Variants in PGS1 observed in about 807,000 individuals in gnomAD.
PGS1 encodes phosphatidylglycerophosphate synthase 1.
In PGS1, 44 loss-of-function variants were observed where a neutral mutation model predicts 58.3. The observed-to-expected ratio is 0.75, with a 90% CI of 0.59 to 0.97. The LOEUF is 0.97. PGS1 is among the 50% of genes least tolerant of loss of function. The pLI, the probability that PGS1 is intolerant of heterozygous loss-of-function variation, is 0.00. For missense variants in PGS1, 684 were observed against 731.1 expected (o/e 0.94, Z 0.74); for synonymous variants, 330 against 311.0 (o/e 1.06, Z -0.64).
chr17:78,381,120 A>T (rs1213681927), intron 1 of PGS1: 1 of 152,246 alleles, frequency 6.6e-6, no homozygotes, highest in Non-Finnish European at 1.5e-5. Flanking sequence ...CTGGGATTAC[A>T]GGTGTGAGCC....
At chr17:78,404,183 T>C in intron 7 of PGS1, 94 bp downstream of exon 7, 5 of 1,337,496 alleles carry the variant, frequency 3.7e-6, no homozygotes, top group Non-Finnish European at 5.0e-6. Flanking sequence ...GTTAGAGTGC[T>C]GTACTTCTCC....
At position 78,400,648 on chromosome 17, in the gene PGS1, C is replaced by G; in HGVS notation, c.702-29C>G. On this transcript the variant is annotated intron_variant, in intron 5 of 9. Coordinates refer to ENST00000262764, the MANE Select transcript of PGS1 (RefSeq NM_024419.5). The surrounding 1 kb of genome is among the most constrained non-coding windows in gnomAD (Gnocchi z 4.4). ...GCTGCTGCATACCCTTGCCTGAGTCCTCCTCACCTGCATCTTCCCTCCCTG... is the reference window on the plus strand; with the variant it reads ...GCTGCTGCATACCCTTGCCTGAGTCGTCCTCACCTGCATCTTCCCTCCCTG... The G allele has an allele frequency of 1.2e-6, 2 of 1,609,594 alleles. No homozygotes were observed. The highest frequency in any genetic ancestry group is 8.5e-7 in the Non-Finnish European group (1 of 1,176,730).
At chr17:78,416,464 G>T (rs929764971) in intron 8 of PGS1, among the ~76,000 whole-genome samples, 1 of 152,210 alleles carries the variant, frequency 6.6e-6, no homozygotes, top group African/African-American at 2.4e-5. Flanking sequence ...TGGGTTCTGC[G>T]TGGATCTGAG....
intron 1 of PGS1, among the ~76,000 whole-genome samples, chr17:78,379,119 C>T (rs1177169876): frequency 6.6e-6 from 1 of 152,190 alleles, no homozygotes; most frequent in Non-Finnish European, 1.5e-5. Flanking sequence ...TGCACTTACA[C>T]GTTAAAAGAG....
chr17:78,384,045 G>A (rs12453354), intron 1 of PGS1, among the ~76,000 whole-genome samples: 7,622 of 152,316 alleles, frequency 0.05, 267 homozygotes, highest in East Asian at 0.18. Context: ...ATTGGTTCTC[G>A]TCAGGCACTT....
chr17:78,387,940 T>G (rs1386515983), intron 1 of PGS1, among the ~76,000 whole-genome samples: 1 of 152,190 alleles, frequency 6.6e-6, no homozygotes, highest in Non-Finnish European at 1.5e-5. Context: ...GTGGTCTCCT[T>G]GGCATATGTT....
intron 3 of PGS1, 24 bp from the exon 4 acceptor site, chr17:78,398,228 C>T: frequency 2.6e-6 from 4 of 1,544,288 alleles, no homozygotes; most frequent in Non-Finnish European, 3.6e-6. Flanking sequence ...TCTTAATCTT[C>T]TTTTCTGTGT....
At chr17:78,378,998 G>A (rs1330458448) in intron 1 of PGS1, among the ~76,000 whole-genome samples, 190 bp downstream of exon 1, 1 of 152,230 alleles carries the variant, frequency 6.6e-6, no homozygotes, top group African/African-American at 2.4e-5. Context: ...GAGGGAGGGT[G>A]GGCGGCTCGT....
Position 78,424,204 on chromosome 17 carries a change from AGGGGCTGGCAGGAAGGGT to A in PGS1, c.*159_*176del. ...CAGGTGTGCTGCCAGTAAGTGAGGG[AGGGGCTGGCAGGAAGGGT>A]GGGGTCCTCACACTCCCCGCCCTCT... On this transcript the variant is annotated 3_prime_UTR_variant, in exon 10 of 10. Transcript: ENST00000262764. 2 of 1,558,632 alleles carry A rather than the reference AGGGGCTGGCAGGAAGGGT, an allele frequency of 1.3e-6. No individual in the cohort carries two copies. Among genetic ancestry groups the A allele is most frequent in the Non-Finnish European group, 1.7e-6 (2 of 1,154,726 alleles).
At chr17:78,418,633 T>C (rs777215458) in intron 8 of PGS1, among the ~76,000 whole-genome samples, 1 of 152,260 alleles carries the variant, frequency 6.6e-6, no homozygotes, top group Non-Finnish European at 1.5e-5. Context: ...GTTATAAATA[T>C]TGTGATAAAT....
intron 1 of PGS1, among the ~76,000 whole-genome samples, chr17:78,385,391 C>T (rs1021457771): frequency 2.0e-5 from 3 of 152,084 alleles, no homozygotes; most frequent in African/African-American, 7.2e-5. Context: ...CGAGTTCATG[C>T]CATTCTCCTG....
chr17:78,406,906 C>T (rs1389222730), intron 7 of PGS1, among the ~76,000 whole-genome samples: 1 of 152,246 alleles, frequency 6.6e-6, no homozygotes, highest in Admixed American at 6.5e-5. Context: ...TGGCTTCTGA[C>T]TCTGCCACGG....
chr17:78,407,180 T>TG (rs34029669), intron 7 of PGS1, among the ~76,000 whole-genome samples: 1 of 143,326 alleles, frequency 7.0e-6, no homozygotes, highest in Non-Finnish European at 1.5e-5. Context: ...GGGATGGGAT[T>TG]GGGGGAGAGT....
intron 1 of PGS1, among the ~76,000 whole-genome samples, chr17:78,384,722 C>G (rs909911826): frequency 6.6e-6 from 1 of 152,164 alleles, no homozygotes; most frequent in Non-Finnish European, 1.5e-5. Flanking sequence ...CCAGCTTTAC[C>G]GTACTCTTTC....
At chr17:78,398,698 T>A (rs1474990593) in intron 4 of PGS1, among the ~76,000 whole-genome samples, 1 of 152,176 alleles carries the variant, frequency 6.6e-6, no homozygotes, top group Admixed American at 6.5e-5. Context: ...GCAAAAAGAC[T>A]TTTTGTGGAC....
intron 7 of PGS1, among the ~76,000 whole-genome samples, chr17:78,412,956 G>A (rs556952616): frequency 6.6e-6 from 1 of 152,112 alleles, no homozygotes; most frequent in Admixed American, 6.6e-5. Flanking sequence ...GAGGGGGTGG[G>A]AGGGGGGCTC....
In PGS1 at chr17:78,403,864, C is replaced by G; in HGVS notation, c.1177C>G (p.Gln393Glu). The G allele has an allele frequency of 1.2e-6, 2 of 1,614,272 alleles. No individual in the cohort carries two copies. Among genetic ancestry groups the G allele is most frequent in the Non-Finnish European group, 1.7e-6 (2 of 1,180,044 alleles). The change falls in exon 7 of 10, where the codon CAG becomes GAG. Residue 393 changes from glutamine (Q) to glutamate (E), a missense_variant. Transcript: ENST00000262764. ...YLTTGYFNLT[Q>E]AYMDLVLGTR... ...CACCACTGGCTATTTCAACCTGACC[C>G]AGGCCTACATGGACCTGGTCTTGGG...
chr17:78,385,483 G>A (rs920144712), intron 1 of PGS1, among the ~76,000 whole-genome samples: 14 of 152,178 alleles, frequency 9.2e-5, no homozygotes, highest in Non-Finnish European at 2.9e-5. Context: ...TAGAGATGGG[G>A]TTTCACCATG....
Position 78,383,443 on chromosome 17 carries a change from T to C in PGS1, c.143+4635T>C, listed in dbSNP as rs369748861. Among the ~76,000 whole-genome samples the C allele has an allele frequency of 1.4e-3, 217 of 152,098 alleles. 2 individuals are homozygous for C. The highest frequency in any genetic ancestry group is 4.8e-3 in the African/African-American group (201 of 41,506). ...GTTTCTCCATGTTGGTCAGGCTGGT[T>C]TTGAACTCCTGACCTCAGGTGGTCC... On this transcript the variant is annotated intron_variant, in intron 1 of 9. Transcript: ENST00000262764.
Sources: allele counts gnomAD v4.1 joint callset (sites outside exome capture counted in the v4.1 genomes callset), GRCh38; gene constraint gnomAD v4.1.1; non-coding constraint Gnocchi (gnomAD v3.1); transcripts MANE v1.5; gene names NCBI Gene and HGNC (gene_info 2026-07-23, HGNC 2026-07-21).